The following SLC25A33 variants were observed in gnomAD, a reference collection of about 807,000 sequenced individuals.
SLC25A33 encodes solute carrier family 25 member 33.
SLC25A33 carries 15 observed loss-of-function variants against 35.5 expected under a neutral mutation model. That is an observed-to-expected ratio of 0.42 (90% CI 0.28 to 0.65). The LOEUF (loss-of-function observed/expected upper bound fraction) is 0.65, where lower values mean the gene tolerates loss of function less well. Ranked by LOEUF, SLC25A33 falls within the 30% of genes least tolerant of loss-of-function variation. SLC25A33 has a pLI of 0.20. For synonymous variants in SLC25A33, 136 were observed against 148.7 expected (o/e 0.91, Z 0.62); for missense variants, 257 against 398.5 (o/e 0.64, Z 3.02).
chr1:9,580,840 G>A (rs971921911), intron 6 of SLC25A33, among the ~76,000 whole-genome samples: 25 of 143,910 alleles, frequency 1.7e-4, no homozygotes, highest in African/African-American at 6.8e-4. Flanking sequence ...TGGCAACAGA[G>A]CGAGACTCTG....
Position 9,580,026 on chromosome 1 carries a change from C to T in SLC25A33, c.555C>T (p.Gly185=), listed in dbSNP as rs146256522. ...RYVYQTEGIR[G]FYRGLTASYA... ...TTTACCAGACCGAAGGCATTCGTGG[C>T]TTCTATAGAGGATTAACTGCCTCGT... The change falls in exon 6 of 7, where the codon GGC becomes GGT. Residue 185 remains glycine, a synonymous_variant. Coordinates refer to ENST00000302692, the MANE Select transcript of SLC25A33 (RefSeq NM_032315.3). The T allele has an allele frequency of 2.9e-5, 47 of 1,613,302 alleles. No homozygotes were observed. Among genetic ancestry groups the T allele is most frequent in the Middle Eastern group, 1.6e-4 (1 of 6,070 alleles).
chr1:9,573,332 T>C lies in SLC25A33; in HGVS notation c.416-14T>C. 6.3e-7 allele frequency: 1 copy of C among 1,589,926 alleles called. No homozygotes were observed. Among genetic ancestry groups the C allele is most frequent in the Non-Finnish European group, 8.6e-7 (1 of 1,163,660 alleles). On this transcript the variant is annotated splice_polypyrimidine_tract_variant and intron_variant, in intron 4 of 6. Transcript: ENST00000302692. ...ATGTACAGTGTTGACCTTTACTGTT[T>C]TTTTTTTTTCCAGCTTTTATCACAA...
intron 5 of SLC25A33, among the ~76,000 whole-genome samples, chr1:9,575,619 A>G (rs1459987856): frequency 6.6e-6 from 1 of 152,124 alleles, no homozygotes; most frequent in African/African-American, 2.4e-5. Context: ...TGTCTGGAAA[A>G]AAAAACGAAA....
At chr1:9,569,697 A>G (rs1643561525) in intron 3 of SLC25A33, among the ~76,000 whole-genome samples, 1 of 152,130 alleles carries the variant, frequency 6.6e-6, no homozygotes, top group Admixed American at 6.6e-5. Context: ...AGCCCCAACA[A>G]GAGGGAAGAC....
chr1:9,569,976 C>T (rs1051343678), intron 3 of SLC25A33, among the ~76,000 whole-genome samples: 2 of 152,090 alleles, frequency 1.3e-5, no homozygotes, highest in East Asian at 1.9e-4. Flanking sequence ...TTATCCAGAA[C>T]GAAGAATGTA....
chr1:9,548,508 G>C (rs940978778), intron 1 of SLC25A33, among the ~76,000 whole-genome samples: 2 of 152,294 alleles, frequency 1.3e-5, no homozygotes, highest in African/African-American at 4.8e-5. Context: ...CTTGAACCTG[G>C]GAGGCAGAGG....
chr1:9,554,205 G>A (rs905552941), intron 2 of SLC25A33, among the ~76,000 whole-genome samples: 7 of 152,186 alleles, frequency 4.6e-5, no homozygotes, highest in Admixed American at 3.9e-4. Flanking sequence ...TTTTGAGACA[G>A]AAGAATCTCG....
At chr1:9,572,554 C>T (rs893720562) in intron 4 of SLC25A33, among the ~76,000 whole-genome samples, 11 of 151,986 alleles carry the variant, frequency 7.2e-5, no homozygotes, top group African/African-American at 2.7e-4. Flanking sequence ...GGAGGCGGAG[C>T]TTGCAGTGAG....
chr1:9,568,415 G>C (rs988645017), intron 3 of SLC25A33, among the ~76,000 whole-genome samples: 2 of 152,136 alleles, frequency 1.3e-5, no homozygotes, highest in South Asian at 2.1e-4. Context: ...CTTCACTGCA[G>C]CCTGGGTGAA....
chr1:9,571,419 G>A (rs1338444324), intron 4 of SLC25A33, among the ~76,000 whole-genome samples: 5 of 151,164 alleles, frequency 3.3e-5, no homozygotes, highest in Non-Finnish European at 7.4e-5. Flanking sequence ...TCAGCCTCCC[G>A]AGTAGTTGGG....
chr1:9,580,932 C>T (rs1643737907), intron 6 of SLC25A33, among the ~76,000 whole-genome samples: 1 of 151,106 alleles, frequency 6.6e-6, no homozygotes, highest in Admixed American at 6.6e-5. Context: ...CTTAAGGCTA[C>T]TTTGGGTAAG....
At chr1:9,576,547 A>T in intron 5 of SLC25A33, 1 of 546,902 alleles carries the variant, frequency 1.8e-6, no homozygotes, top group Non-Finnish European at 3.6e-6. Context: ...CTTCAGTCAC[A>T]TCAATGTAGA....
chr1:9,563,270 A>T (rs914147021), intron 2 of SLC25A33, among the ~76,000 whole-genome samples: 3 of 152,194 alleles, frequency 2.0e-5, no homozygotes, highest in Non-Finnish European at 2.9e-5. Context: ...GTGAATAGAC[A>T]TAGTTTTACT....
chr1:9,547,451 GAAA>G (rs112917804), intron 1 of SLC25A33, among the ~76,000 whole-genome samples: 1 of 128,754 alleles, frequency 7.8e-6, no homozygotes, highest in African/African-American at 2.9e-5. Flanking sequence ...TCTCAAAAGA[GAAA>G]AAAAAAAAAA....
chr1:9,563,565 C>G (rs1643456351), intron 2 of SLC25A33, among the ~76,000 whole-genome samples: 2 of 152,010 alleles, frequency 1.3e-5, no homozygotes, highest in African/African-American at 4.8e-5. Context: ...GGGAAACTTT[C>G]CCTGTGGAGA....
At chr1:9,563,358 C>T (rs1387438050) in intron 2 of SLC25A33, among the ~76,000 whole-genome samples, 2 of 152,160 alleles carry the variant, frequency 1.3e-5, no homozygotes, top group Non-Finnish European at 2.9e-5. Flanking sequence ...TTATTTTAAA[C>T]ATCCAAAAAT....
chr1:9,574,239 G>A (rs1288627200), intron 5 of SLC25A33, among the ~76,000 whole-genome samples: 1 of 151,072 alleles, frequency 6.6e-6, no homozygotes, highest in East Asian at 1.9e-4. Context: ...GACCACAGGT[G>A]CATGCCACCA....
intron 2 of SLC25A33, among the ~76,000 whole-genome samples, chr1:9,560,425 G>T (rs1039046282): frequency 6.6e-6 from 1 of 151,660 alleles, no homozygotes; most frequent in Middle Eastern, 3.4e-3. Flanking sequence ...TTAGCCAGGT[G>T]TGGCGGTGGG....
intron 1 of SLC25A33, among the ~76,000 whole-genome samples, chr1:9,552,632 A>C (rs1052484098): frequency 6.6e-6 from 1 of 152,218 alleles, no homozygotes; most frequent in East Asian, 1.9e-4. Context: ...TTGAATGTGC[A>C]GAAATACTTT....
Sources: gnomAD v4.1 joint callset for allele counts (sites outside exome capture counted in the v4.1 genomes callset) on GRCh38, gnomAD v4.1.1 for gene constraint, MANE v1.5 for transcripts, NCBI Gene and HGNC (gene_info 2026-07-23, HGNC 2026-07-21) for gene names.